TCF12: variants seen among roughly 807,000 people sequenced by gnomAD.
The protein encoded by TCF12 is DNA-binding protein HTF4.
TCF12 carries 45 observed loss-of-function variants against 86.0 expected under a neutral mutation model. That is an observed-to-expected ratio of 0.52 (90% CI 0.41 to 0.67). TCF12 has a LOEUF of 0.67. Ranked by LOEUF, TCF12 falls within the 30% of genes least tolerant of loss-of-function variation. The pLI, the probability that TCF12 is intolerant of heterozygous loss-of-function variation, is 0.00. For synonymous variants in TCF12, 330 were observed against 299.6 expected, an observed-to-expected ratio of 1.10 and a Z score of -1.05; for missense variants, 881 against 859.9, an observed-to-expected ratio of 1.02 and a Z score of -0.31.
At chr15:57,224,036 G>A (rs865811474) in intron 8 of TCF12, among the ~76,000 whole-genome samples, 4 of 152,082 alleles carry the variant, frequency 2.6e-5, no homozygotes, top group Middle Eastern at 3.4e-3. Flanking sequence ...CGACTATGGT[G>A]TGTGAGCCCA....
At chr15:57,115,511 A>G (rs570898944) in intron 5 of TCF12, among the ~76,000 whole-genome samples, 1 of 152,174 alleles carries the variant, frequency 6.6e-6, no homozygotes, top group African/African-American at 2.4e-5. Context: ...GAAGATGTGA[A>G]TTATATTGGA....
At chr15:57,243,369 T>G (rs1176725033) in intron 12 of TCF12, 103 bp from the exon 13 acceptor site, 4 of 978,726 alleles carry the variant, frequency 4.1e-6, no homozygotes, top group Non-Finnish European at 6.2e-6. Context: ...CTCTGAAGTC[T>G]TAGGGGTGAC....
At chr15:57,161,864 A>C (rs1173345979) in intron 5 of TCF12, among the ~76,000 whole-genome samples, 2 of 152,216 alleles carry the variant, frequency 1.3e-5, no homozygotes, top group African/African-American at 4.8e-5. Flanking sequence ...CCTGCTGCTA[A>C]ATCTTATTAA....
intron 4 of TCF12, among the ~76,000 whole-genome samples, chr15:57,066,563 A>G (rs1376899205): frequency 6.6e-6 from 1 of 152,172 alleles, no homozygotes; most frequent in African/African-American, 2.4e-5. Flanking sequence ...ACATCACTAA[A>G]TAGAAATTTT....
chr15:57,168,903 G>T (rs918299944), intron 6 of TCF12, among the ~76,000 whole-genome samples: 2 of 151,988 alleles, frequency 1.3e-5, no homozygotes, highest in Non-Finnish European at 2.9e-5. Flanking sequence ...AAAATTAGCC[G>T]GGCGTGGTGG....
At chr15:57,139,500 T>C (rs1439304453) in intron 5 of TCF12, among the ~76,000 whole-genome samples, 1 of 152,128 alleles carries the variant, frequency 6.6e-6, no homozygotes, top group African/African-American at 2.4e-5. Context: ...CAAACTTTAG[T>C]GAATCTTAGT....
chr15:57,223,649 T>TTTTTTTTTTTTA (rs1555400213), intron 8 of TCF12, among the ~76,000 whole-genome samples: 20 of 136,152 alleles, frequency 1.5e-4, no homozygotes, highest in Non-Finnish European at 3.1e-4. Context: ...TGAGGTTTTT[T>TTTTTTTTTTTTA]TTTTTTTTTT....
chr15:57,155,997 T>G (rs2054087199), intron 5 of TCF12, among the ~76,000 whole-genome samples: 1 of 152,236 alleles, frequency 6.6e-6, no homozygotes, highest in Admixed American at 6.5e-5. Flanking sequence ...GTAAAAAATT[T>G]CATTGACATT....
intron 19 of TCF12, among the ~76,000 whole-genome samples, chr15:57,277,334 A>G (rs1456639239): frequency 2.0e-5 from 3 of 151,878 alleles, no homozygotes; most frequent in Non-Finnish European, 4.4e-5. Context: ...GTCTCTAAAT[A>G]AAAATTAAGT....
chr15:57,176,355 A>T (rs1381011015), intron 6 of TCF12, among the ~76,000 whole-genome samples: 1 of 152,208 alleles, frequency 6.6e-6, no homozygotes, highest in African/African-American at 2.4e-5. Context: ...ATGTGCTTCA[A>T]CTTTTATTCT....
At chr15:57,248,975 AAGTC>A (rs1353009423) in intron 13 of TCF12, among the ~76,000 whole-genome samples, 3 of 152,248 alleles carry the variant, frequency 2.0e-5, no homozygotes, top group Non-Finnish European at 2.9e-5. Flanking sequence ...ATTGCACACA[AAGTC>A]AGTAATTTGA....
intron 3 of TCF12, among the ~76,000 whole-genome samples, chr15:56,947,357 C>T (rs1042426463): frequency 7.9e-5 from 12 of 152,126 alleles, no homozygotes; most frequent in Admixed American, 1.3e-4. Context: ...ACTCCATGCA[C>T]GTTTCTGGAG....
chr15:57,152,022 A>G (rs1328758489), intron 5 of TCF12, among the ~76,000 whole-genome samples: 1 of 152,180 alleles, frequency 6.6e-6, no homozygotes, highest in Non-Finnish European at 1.5e-5. Context: ...CTAACAGAAA[A>G]GTTTTACAGC....
chr15:56,934,757 CTGGG>C (rs1382926130), intron 3 of TCF12, among the ~76,000 whole-genome samples: 4 of 152,196 alleles, frequency 2.6e-5, no homozygotes, highest in Non-Finnish European at 5.9e-5. Context: ...AAGGAGACTA[CTGGG>C]TTCCTTTGGA....
intron 18 of TCF12, 77 bp downstream of exon 18, chr15:57,263,351 A>G: frequency 1.4e-6 from 2 of 1,435,068 alleles, no homozygotes; most frequent in East Asian, 4.6e-5. Context: ...GGTGTCATGC[A>G]TTTATTAACT....
chr15:57,283,385 G>A (rs1233923517), intron 20 of TCF12, among the ~76,000 whole-genome samples: 3 of 151,778 alleles, frequency 2.0e-5, no homozygotes, highest in South Asian at 4.2e-4. Flanking sequence ...TCAGCCTCCC[G>A]AGTAGACTAG....
intron 8 of TCF12, among the ~76,000 whole-genome samples, chr15:57,201,583 TTGAG>T (rs1489539131): frequency 1.3e-5 from 2 of 152,122 alleles, no homozygotes; most frequent in East Asian, 3.9e-4. Flanking sequence ...CAGAGGTAGA[TTGAG>T]TGGGGGCACA....
intron 4 of TCF12, among the ~76,000 whole-genome samples, chr15:57,073,836 C>T (rs2069629704): frequency 6.6e-6 from 1 of 152,264 alleles, no homozygotes; most frequent in Middle Eastern, 3.4e-3. Context: ...GCAAGCTCTG[C>T]CTCCTGGGTT....
chr15:57,223,657 T>TG (rs2058725534), intron 8 of TCF12, among the ~76,000 whole-genome samples: 4 of 135,056 alleles, frequency 3.0e-5, no homozygotes, highest in African/African-American at 1.0e-4. Flanking sequence ...TTTTTTTTTT[T>TG]TTTTTTTTTT....
Sources: allele counts gnomAD v4.1 joint callset (sites outside exome capture counted in the v4.1 genomes callset), GRCh38; gene constraint gnomAD v4.1.1; transcripts MANE v1.5; gene names NCBI Gene and HGNC (gene_info 2026-07-23, HGNC 2026-07-21).